Variants in GRM7 observed in about 807,000 individuals in gnomAD.
The protein encoded by GRM7 is glutamate metabotropic receptor 7, also known as metabotropic glutamate receptor 7.
A neutral mutation model predicts 84.5 loss-of-function variants in GRM7; 35 were observed. The observed-to-expected ratio is 0.41, with a 90% CI of 0.32 to 0.55. GRM7 has a LOEUF of 0.55. GRM7 is among the 20% of genes least tolerant of loss of function. GRM7 has a pLI of 0.19. For synonymous variants in GRM7, 487 were observed against 455.1 expected, an observed-to-expected ratio of 1.07 and a Z score of -0.89; for missense variants, 1,003 against 1,194.6, an observed-to-expected ratio of 0.84 and a Z score of 2.36.
At chr3:7,382,112 TTCTC>T (rs768594650) in intron 4 of GRM7, among the ~76,000 whole-genome samples, 1 of 152,206 alleles carries the variant, frequency 6.6e-6, no homozygotes, top group Admixed American at 6.5e-5. Flanking sequence ...GATCCTTCTT[TTCTC>T]TCTGTCTCTA....
At chr3:6,949,874 A>G (rs1231524546) in intron 1 of GRM7, among the ~76,000 whole-genome samples, 1 of 152,092 alleles carries the variant, frequency 6.6e-6, no homozygotes, top group East Asian at 1.9e-4. Flanking sequence ...TGCATTTGTC[A>G]TGTAGTTCTT....
At chr3:7,696,175 C>T (rs945840335) in intron 9 of GRM7, among the ~76,000 whole-genome samples, 1 of 152,152 alleles carries the variant, frequency 6.6e-6, no homozygotes, top group East Asian at 1.9e-4. Flanking sequence ...ATAGGTCTCT[C>T]AGGAGTGTTT....
intron 1 of GRM7, among the ~76,000 whole-genome samples, chr3:6,904,085 C>G (rs548451900): frequency 3.9e-5 from 6 of 152,100 alleles, no homozygotes; most frequent in East Asian, 1.9e-4. Flanking sequence ...GACTTTGGCT[C>G]CATTTGTTGT....
At chr3:7,327,618 A>G (rs77322971) in intron 4 of GRM7, among the ~76,000 whole-genome samples, 1 of 152,198 alleles carries the variant, frequency 6.6e-6, no homozygotes, top group Non-Finnish European at 1.5e-5. Flanking sequence ...GCCACTCCCT[A>G]GTATAAAGTA....
At chr3:7,220,578 G>A (rs969702521) in intron 2 of GRM7, among the ~76,000 whole-genome samples, 2 of 152,216 alleles carry the variant, frequency 1.3e-5, no homozygotes, top group Non-Finnish European at 2.9e-5. Flanking sequence ...TCACCTGGAT[G>A]GAAATTGGAT....
chr3:7,139,963 A>C (rs950723078), intron 1 of GRM7, among the ~76,000 whole-genome samples: 5 of 152,014 alleles, frequency 3.3e-5, no homozygotes, highest in Non-Finnish European at 7.4e-5. Context: ...CACACAAATC[A>C]AAATCAGGAA....
At chr3:7,052,476 A>G (rs1434345163) in intron 1 of GRM7, among the ~76,000 whole-genome samples, 1 of 151,552 alleles carries the variant, frequency 6.6e-6, no homozygotes, top group Admixed American at 6.6e-5. Flanking sequence ...TTTACCACCC[A>G]CCAAAATCAA....
At chr3:7,462,445 T>G (rs1374336592) in intron 7 of GRM7, among the ~76,000 whole-genome samples, 2 of 152,304 alleles carry the variant, frequency 1.3e-5, no homozygotes, top group Non-Finnish European at 2.9e-5. Flanking sequence ...CGACCAACTA[T>G]CAGGGCACTG....
At chr3:6,913,312 A>C (rs535491640) in intron 1 of GRM7, among the ~76,000 whole-genome samples, 106 of 152,282 alleles carry the variant, frequency 7.0e-4, no homozygotes, top group African/African-American at 2.5e-3. Flanking sequence ...TTCACATTGC[A>C]CTTATTTGCA....
At chr3:7,305,252 G>A (rs1355450882) in intron 3 of GRM7, among the ~76,000 whole-genome samples, 1 of 147,362 alleles carries the variant, frequency 6.8e-6, no homozygotes, top group African/African-American at 2.5e-5. Flanking sequence ...CTATTTTGGT[G>A]TTTTTTTGTT....
chr3:6,934,342 T>C (rs1697611785), intron 1 of GRM7, among the ~76,000 whole-genome samples: 1 of 152,130 alleles, frequency 6.6e-6, no homozygotes, highest in Non-Finnish European at 1.5e-5. Context: ...ATCGTTTCTG[T>C]ACCAGGGCTG....
chr3:6,966,428 T>A (rs924974773), intron 1 of GRM7, among the ~76,000 whole-genome samples: 2 of 152,230 alleles, frequency 1.3e-5, no homozygotes, highest in African/African-American at 2.4e-5. Flanking sequence ...CTCCAGCTAA[T>A]AAACAGAAGC....
chr3:7,663,091 G>A (rs1332364865), intron 8 of GRM7, among the ~76,000 whole-genome samples: 1 of 152,180 alleles, frequency 6.6e-6, no homozygotes, highest in African/African-American at 2.4e-5. Context: ...AGATGCCCAT[G>A]AGGGTTCTAA....
intron 1 of GRM7, among the ~76,000 whole-genome samples, chr3:6,937,191 A>G (rs1697723072): frequency 6.6e-6 from 1 of 152,234 alleles, no homozygotes. Flanking sequence ...TTAAATATCA[A>G]TTATCATAAA....
At chr3:6,924,370 A>AT (rs556892901) in intron 1 of GRM7, among the ~76,000 whole-genome samples, 4 of 152,330 alleles carry the variant, frequency 2.6e-5, no homozygotes, top group African/African-American at 9.6e-5. Flanking sequence ...CAGATGATGT[A>AT]TAATTTCAGT....
At chr3:6,887,923 C>G (rs1695766185) in intron 1 of GRM7, among the ~76,000 whole-genome samples, 1 of 152,214 alleles carries the variant, frequency 6.6e-6, no homozygotes, top group African/African-American at 2.4e-5. Flanking sequence ...GATTGCCATT[C>G]TAACTGGTGT....
chr3:7,148,874 T>G (rs911098071), intron 2 of GRM7, among the ~76,000 whole-genome samples: 6 of 152,162 alleles, frequency 3.9e-5, no homozygotes, highest in Non-Finnish European at 7.3e-5. Flanking sequence ...CAGCTGGTGC[T>G]GCAGAAATGC....
At chr3:7,004,896 A>C (rs1349643653) in intron 1 of GRM7, among the ~76,000 whole-genome samples, 1 of 152,226 alleles carries the variant, frequency 6.6e-6, no homozygotes, top group Non-Finnish European at 1.5e-5. Context: ...ACCACAGACA[A>C]CAGGCAGGCA....
chr3:6,933,753 C>G (rs1008328032), intron 1 of GRM7, among the ~76,000 whole-genome samples: 1 of 141,042 alleles, frequency 7.1e-6, no homozygotes, highest in Non-Finnish European at 1.6e-5. Context: ...AAAAACAAAA[C>G]AAAACATTGC....
Sources: gnomAD v4.1 joint callset for allele counts (sites outside exome capture counted in the v4.1 genomes callset) on GRCh38, gnomAD v4.1.1 for gene constraint, MANE v1.5 for transcripts, NCBI Gene and HGNC (gene_info 2026-07-23, HGNC 2026-07-21) for gene names.